Variants in DIS3L2 observed in about 807,000 individuals in gnomAD.
DIS3L2 encodes DIS3 like 3'-5' exoribonuclease 2, also known as DIS3-like exonuclease 2.
In DIS3L2, 34 loss-of-function variants were observed where a neutral mutation model predicts 97.5. The observed-to-expected ratio is 0.35, with a 90% CI of 0.27 to 0.46. The LOEUF is 0.46. Ranked by LOEUF, DIS3L2 falls within the 20% of genes least tolerant of loss-of-function variation. The probability of loss-of-function intolerance (pLI) is 1.00; values close to 1 mark genes in which losing one functional copy is unlikely to be tolerated. For synonymous variants in DIS3L2, 435 were observed against 445.2 expected, an observed-to-expected ratio of 0.98 and a Z score of 0.29; for missense variants, 1,038 against 1,146.0, an observed-to-expected ratio of 0.91 and a Z score of 1.36.
At position 232,082,202 on chromosome 2, in the gene DIS3L2, T is replaced by TA. The variant is rs547226027; in HGVS notation, c.367-5284dup. Among the ~76,000 whole-genome samples, 449 of 152,370 alleles carry TA rather than the reference T, an allele frequency of 2.9e-3. 7 individuals are homozygous for TA. Among genetic ancestry groups the TA allele is most frequent in the Admixed American group, 0.027 (413 of 15,310 alleles). ...CCCCCCATACCTTTTGTTCTTTTCT[T>TA]ATGTGTTTTAGGATAATAACATAGA... On this transcript the variant is annotated intron_variant, in intron 5 of 20. Coordinates refer to ENST00000325385, the MANE Select transcript of DIS3L2 (RefSeq NM_152383.5).
chr2:232,097,040 G>C (rs556012582), intron 6 of DIS3L2, among the ~76,000 whole-genome samples: 1 of 152,124 alleles, frequency 6.6e-6, no homozygotes, highest in Non-Finnish European at 1.5e-5. Flanking sequence ...CGTGGTCTAG[G>C]CCTATTGCAT....
intron 6 of DIS3L2, among the ~76,000 whole-genome samples, chr2:232,118,412 C>A (rs759320919): frequency 2.4e-4 from 37 of 152,166 alleles, no homozygotes; most frequent in Non-Finnish European, 4.7e-4. Context: ...AGTGTGTGAT[C>A]TTTTCCTTTT....
chr2:232,343,457 T>C, exon 14 of DIS3L2: 1 of 1,556,062 alleles, frequency 6.4e-7, no homozygotes, highest in Non-Finnish European at 8.7e-7. Flanking sequence ...ACTCGGGGCA[T>C]ATGTGACAGG....
intron 10 of DIS3L2, among the ~76,000 whole-genome samples, chr2:232,217,054 G>A (rs1293828528): frequency 2.0e-5 from 3 of 152,150 alleles, no homozygotes. Flanking sequence ...TATTGGCCAG[G>A]CTGGTCTTGA....
chr2:232,212,783 C>G (rs1692226009), intron 10 of DIS3L2, among the ~76,000 whole-genome samples: 2 of 151,916 alleles, frequency 1.3e-5, no homozygotes, highest in Non-Finnish European at 2.9e-5. Context: ...TAGATGGTAG[C>G]AAAATCAATA....
At chr2:232,019,932 G>A (rs1290473850) in intron 3 of DIS3L2, among the ~76,000 whole-genome samples, 2 of 151,988 alleles carry the variant, frequency 1.3e-5, no homozygotes, top group Non-Finnish European at 2.9e-5. Context: ...TAGTAGGGTC[G>A]TTAGGGAAAG....
chr2:232,184,753 G>A (rs1484365457), intron 9 of DIS3L2, among the ~76,000 whole-genome samples: 2 of 152,174 alleles, frequency 1.3e-5, no homozygotes, highest in Non-Finnish European at 2.9e-5. Context: ...TCGTATTAGG[G>A]CAGGTCAAAA....
intron 7 of DIS3L2, among the ~76,000 whole-genome samples, chr2:232,132,704 A>G (rs1381998117): frequency 3.3e-5 from 5 of 152,104 alleles, no homozygotes; most frequent in Non-Finnish European, 7.4e-5. Context: ...AGCCCTAATG[A>G]CCGTAAGTGG....
At chr2:232,162,470 C>G (rs868125142) in intron 8 of DIS3L2, among the ~76,000 whole-genome samples, 7 of 152,224 alleles carry the variant, frequency 4.6e-5, no homozygotes, top group Admixed American at 1.3e-4. Flanking sequence ...TTCCTCTTTA[C>G]CACTGTGCAC....
rs200525740 is a variant in DIS3L2 at position 232,253,493 on chromosome 2, A to G, written c.1425+4147A>G. On this transcript the variant is annotated intron_variant, in intron 12 of 20. Coordinates refer to ENST00000325385, the MANE Select transcript of DIS3L2 (RefSeq NM_152383.5). ...TGGGGTAGATTAATATACATAGCAC[A>G]CAGAAAAACCAAGCAAATAAAAAGA... 6.6e-5 allele frequency among the ~76,000 whole-genome samples: 10 copies of G among 152,254 alleles called. No homozygotes were observed. In the East Asian group the frequency reaches 1.5e-3, roughly 23 times the overall value.
chr2:232,119,758 G>A (rs1444150704), intron 6 of DIS3L2, among the ~76,000 whole-genome samples: 1 of 152,140 alleles, frequency 6.6e-6, no homozygotes, highest in Non-Finnish European at 1.5e-5. Context: ...TCCAGTTTGG[G>A]CCTGAAAGCC....
chr2:232,057,579 C>T (rs1180076135), intron 5 of DIS3L2, among the ~76,000 whole-genome samples: 1 of 151,948 alleles, frequency 6.6e-6, no homozygotes, highest in African/African-American at 2.4e-5. Context: ...TTTATAGCTC[C>T]AAGAAAACAA....
At chr2:232,029,414 G>A (rs1459511481) in intron 4 of DIS3L2, among the ~76,000 whole-genome samples, 1 of 152,020 alleles carries the variant, frequency 6.6e-6, no homozygotes, top group Admixed American at 6.6e-5. Flanking sequence ...TTGACACCTG[G>A]GGAGTTCACT....
At chr2:232,333,133 A>ACCT (rs895256772) in intron 16 of DIS3L2, among the ~76,000 whole-genome samples, 8 of 136,990 alleles carry the variant, frequency 5.8e-5, no homozygotes, top group African/African-American at 2.0e-4. Context: ...GACCACCACC[A>ACCT]CCTCCTCCTT....
chr2:232,134,640 C>T (rs1409324923), intron 7 of DIS3L2, among the ~76,000 whole-genome samples: 1 of 152,136 alleles, frequency 6.6e-6, no homozygotes, highest in African/African-American at 2.4e-5. Flanking sequence ...GCCTGGACAA[C>T]ATAGTGAAAC....
chr2:232,204,996 A>G (rs1691990142), intron 9 of DIS3L2, among the ~76,000 whole-genome samples: 1 of 152,070 alleles, frequency 6.6e-6, no homozygotes, highest in Non-Finnish European at 1.5e-5. Context: ...CCATAGTGAG[A>G]GAGGAAGCTT....
At chr2:232,289,018 C>T (rs766773314) in intron 13 of DIS3L2, among the ~76,000 whole-genome samples, 6 of 152,076 alleles carry the variant, frequency 3.9e-5, no homozygotes, top group Non-Finnish European at 1.5e-5. Flanking sequence ...GACTGGGCTT[C>T]ATGTTTTCTG....
At chr2:232,074,011 A>G (rs979951119) in intron 5 of DIS3L2, among the ~76,000 whole-genome samples, 2 of 152,146 alleles carry the variant, frequency 1.3e-5, no homozygotes, top group African/African-American at 4.8e-5. Flanking sequence ...TCATCTGGAC[A>G]TTTGTGACTT....
intron 13 of DIS3L2, among the ~76,000 whole-genome samples, chr2:232,289,465 G>A (rs1394983871): frequency 6.6e-6 from 1 of 152,072 alleles, no homozygotes; most frequent in Non-Finnish European, 1.5e-5. Flanking sequence ...TAGAGATGGG[G>A]TTTCACCATG....
Sources: gnomAD v4.1 joint callset for allele counts (sites outside exome capture counted in the v4.1 genomes callset) on GRCh38, gnomAD v4.1.1 for gene constraint, MANE v1.5 for transcripts, NCBI Gene and HGNC (gene_info 2026-07-23, HGNC 2026-07-21) for gene names.